CD82: variants seen among roughly 807,000 people sequenced by gnomAD.
CD82 encodes CD82 antigen.
A neutral mutation model predicts 37.4 loss-of-function variants in CD82; 36 were observed. That is an observed-to-expected ratio of 0.96 (90% confidence interval 0.74 to 1.27). The LOEUF is 1.27. Ranked by LOEUF, CD82 falls within the 50% of genes most tolerant of loss-of-function variation. The pLI is 0.00. For missense variants in CD82, 340 were observed against 347.0 expected (o/e 0.98, Z 0.16); for synonymous variants, 158 against 137.4 (o/e 1.15, Z -1.05).
chr11:44,611,690 G>C (rs1478809088), intron 6 of CD82, among the ~76,000 whole-genome samples: 1 of 152,190 alleles, frequency 6.6e-6, no homozygotes, highest in Non-Finnish European at 1.5e-5. Context: ...TGTCTCAGTA[G>C]CTACCTGGTT....
intron 1 of CD82, among the ~76,000 whole-genome samples, chr11:44,575,351 C>A (rs1852875672): frequency 6.6e-6 from 1 of 152,190 alleles, no homozygotes; most frequent in South Asian, 2.1e-4. Flanking sequence ...CACAGTGACT[C>A]CTTCCTCCCC....
Position 44,618,382 on chromosome 11 carries a change from G to A in CD82, c.642+17G>A, listed in dbSNP as rs2303862. On this transcript the variant is annotated intron_variant, in intron 8 of 9. Coordinates refer to ENST00000227155, the MANE Select transcript of CD82 (RefSeq NM_002231.4). ...TACCAGGAGGTGTGCGGGGGGCTGC[G>A]GATCGGGGGCGGGGCTCCGAGGGCG... 0.089 allele frequency: 143,231 copies of A among 1,607,172 alleles called. 13,271 individuals carry two copies. The highest frequency in any genetic ancestry group is 0.47 in the East Asian group (20,868 of 44,740).
At chr11:44,599,846 GAA>G (rs1465866653) in intron 3 of CD82, among the ~76,000 whole-genome samples, 1 of 152,248 alleles carries the variant, frequency 6.6e-6, no homozygotes, top group Admixed American at 6.5e-5. Flanking sequence ...GATGAGCTGA[GAA>G]AAGAGCCAGG....
At chr11:44,573,264 T>C (rs1227123011) in intron 1 of CD82, 1 of 152,260 alleles carries the variant, frequency 6.6e-6, no homozygotes, top group Non-Finnish European at 1.5e-5. Context: ...TAAATGTTTG[T>C]TGTTGCTGAT....
chr11:44,598,400 ATTTTTTTTTTTTTT>A (rs71038809), intron 3 of CD82, among the ~76,000 whole-genome samples: 2 of 58,908 alleles, frequency 3.4e-5, no homozygotes, highest in South Asian at 9.3e-4. Context: ...TTTGGCCTTA[ATTTTTTTTTTTTTT>A]TTTTTTTTTT....
chr11:44,588,630 C>G lies in CD82; in HGVS notation c.-21+1074C>G, dbSNP rs958230072. 7.2e-5 allele frequency among the ~76,000 whole-genome samples: 11 copies of G among 152,306 alleles called. No homozygotes were observed. The East Asian group carries it at 2.1e-3, about 29-fold the overall frequency. ...AGCTAGGAGGCATTAGAACTGCATT[C>G]AAATCCAAGGCAGCCTGATGCCAGA... On this transcript the variant is annotated intron_variant, in intron 2 of 9. Transcript: ENST00000227155.
chr11:44,611,326 CCTCCT>C (rs1330223042), intron 6 of CD82, among the ~76,000 whole-genome samples: 1 of 152,222 alleles, frequency 6.6e-6, no homozygotes, highest in Admixed American at 6.5e-5. Flanking sequence ...TCAGCCCTAC[CCTCCT>C]CTGTTGGCTC....
At position 44,619,132 on chromosome 11, in the gene CD82, C is replaced by T. The variant is rs747327385; in HGVS notation, c.*6C>T. On this transcript the variant is annotated 3_prime_UTR_variant, in exon 10 of 10. Coordinates refer to ENST00000227155, the MANE Select transcript of CD82 (RefSeq NM_002231.4). ...GCAAGGTCCCCAAGTACTGAGGCAGCTGCTATCCCCATCTCCCTGCCTGGC... is the reference window on the plus strand; with the variant it reads ...GCAAGGTCCCCAAGTACTGAGGCAGTTGCTATCCCCATCTCCCTGCCTGGC... The T allele has an allele frequency of 1.2e-6, 2 of 1,611,126 alleles. No homozygotes were observed. Among genetic ancestry groups the T allele is most frequent in the Non-Finnish European group, 1.7e-6 (2 of 1,177,450 alleles).
chr11:44,618,407 G>T, intron 8 of CD82, 42 bp downstream of exon 8: 1 of 1,551,660 alleles, frequency 6.4e-7, no homozygotes, highest in Non-Finnish European at 8.8e-7. Context: ...CTCCGAGGGC[G>T]TTGGGGGCCA....
At chr11:44,593,354 C>T (rs542101309) in intron 2 of CD82, among the ~76,000 whole-genome samples, 2 of 152,212 alleles carry the variant, frequency 1.3e-5, no homozygotes, top group Non-Finnish European at 2.9e-5. Context: ...TCCCCTCCAC[C>T]CCCCCAGCCC....
chr11:44,616,306 G>A (rs562527263), intron 7 of CD82, among the ~76,000 whole-genome samples: 5 of 152,310 alleles, frequency 3.3e-5, no homozygotes, highest in African/African-American at 7.2e-5. Context: ...GAGATCAGGT[G>A]TGGGGGTTGT....
chr11:44,569,453 G>A (rs1852784235), intron 1 of CD82, among the ~76,000 whole-genome samples: 1 of 152,212 alleles, frequency 6.6e-6, no homozygotes, highest in Non-Finnish European at 1.5e-5. Context: ...GTTGGCTGCT[G>A]CTCTGCTGTG....
chr11:44,616,395 C>T (rs1460893056), intron 7 of CD82, among the ~76,000 whole-genome samples: 2 of 152,148 alleles, frequency 1.3e-5, no homozygotes, highest in African/African-American at 4.8e-5. Context: ...TGAGACTTTG[C>T]TAATTTTAGC....
At chr11:44,595,079 T>C in intron 3 of CD82, 1 of 284,090 alleles carries the variant, frequency 3.5e-6, no homozygotes, top group South Asian at 4.3e-5. Flanking sequence ...TCTCTAGTCC[T>C]GTCCTGGCCC....
chr11:44,611,241 A>G (rs1853476599), intron 6 of CD82, among the ~76,000 whole-genome samples: 1 of 152,118 alleles, frequency 6.6e-6, no homozygotes, highest in Non-Finnish European at 1.5e-5. Context: ...TGTGACAGTG[A>G]CTCAACTGAA....
chr11:44,578,684 C>A (rs963102681), intron 1 of CD82, among the ~76,000 whole-genome samples: 3 of 152,204 alleles, frequency 2.0e-5, no homozygotes, highest in African/African-American at 4.8e-5. Flanking sequence ...ATGTCAAATT[C>A]TTGGCTAAAT....
At chr11:44,573,965 T>G (rs1456010122) in intron 1 of CD82, among the ~76,000 whole-genome samples, 3 of 152,008 alleles carry the variant, frequency 2.0e-5, no homozygotes, top group Admixed American at 2.0e-4. Context: ...AGGTTAAGGG[T>G]GGTGATGATG....
chr11:44,575,187 G>A (rs1852873042), intron 1 of CD82, among the ~76,000 whole-genome samples: 1 of 152,194 alleles, frequency 6.6e-6, no homozygotes, highest in Admixed American at 6.5e-5. Flanking sequence ...TAGGGTATGT[G>A]TATCTGTGAA....
chr11:44,567,453 G>A (rs1467026765), intron 1 of CD82, among the ~76,000 whole-genome samples: 1 of 151,930 alleles, frequency 6.6e-6, no homozygotes, highest in Non-Finnish European at 1.5e-5. Flanking sequence ...CAGGGGGTGG[G>A]GGTAAGGAGG....
Sources: allele counts gnomAD v4.1 joint callset (sites outside exome capture counted in the v4.1 genomes callset), GRCh38; gene constraint gnomAD v4.1.1; transcripts MANE v1.5; gene names NCBI Gene and HGNC (gene_info 2026-07-23, HGNC 2026-07-21).